MAGOH: variants seen among roughly 807,000 people sequenced by gnomAD.
MAGOH encodes protein mago nashi homolog.
A neutral mutation model predicts 20.9 loss-of-function variants in MAGOH; 3 were observed. That is an observed-to-expected ratio of 0.14 (90% CI 0.07 to 0.37). The LOEUF (loss-of-function observed/expected upper bound fraction) is 0.37. Ranked by LOEUF, MAGOH falls within the 10% of genes least tolerant of loss-of-function variation. The probability of loss-of-function intolerance (pLI) is 1.00; values close to 1 mark genes in which losing one functional copy is unlikely to be tolerated. For missense variants in MAGOH, 66 were observed against 178.1 expected, an observed-to-expected ratio of 0.37 and a Z score of 3.58; for synonymous variants, 51 against 61.0, an observed-to-expected ratio of 0.84 and a Z score of 0.76.
At chr1:53,234,501 G>C (rs1454877007) in intron 2 of MAGOH, among the ~76,000 whole-genome samples, 1 of 150,844 alleles carries the variant, frequency 6.6e-6, no homozygotes, top group African/African-American at 2.4e-5. Context: ...AGCCTCCTAA[G>C]TAGCTGGGAC....
intron 3 of MAGOH, among the ~76,000 whole-genome samples, chr1:53,230,689 A>G (rs1292416701): frequency 6.6e-6 from 1 of 152,064 alleles, no homozygotes; most frequent in African/African-American, 2.4e-5. Flanking sequence ...TGGCCTCCCA[A>G]TTAAGAACAA....
At chr1:53,236,093 T>G (rs1645608853) in intron 1 of MAGOH, among the ~76,000 whole-genome samples, 1 of 152,248 alleles carries the variant, frequency 6.6e-6, no homozygotes, top group Non-Finnish European at 1.5e-5. Context: ...GCTGCTGCTT[T>G]TATCACTGAG....
chr1:53,235,079 C>A, intron 2 of MAGOH, among the ~76,000 whole-genome samples: 1 of 152,194 alleles, frequency 6.6e-6, no homozygotes, highest in East Asian at 1.9e-4. Context: ...TAAGATGCCA[C>A]GCCTGACATC....
In MAGOH at chr1:53,238,494, A is replaced by C; in HGVS notation, c.-46T>G. 1 of 1,553,104 alleles carries C rather than the reference A, an allele frequency of 6.4e-7. No individual in the cohort carries two copies. On this transcript the variant is annotated 5_prime_UTR_variant, in exon 1 of 5. Transcript: ENST00000371470. ...GCCTGAACTTCCAAGAGCAAGCCGC[A>C]CTGCCGCCGTCTGCGCCCGACACTG...
Position 53,235,706 on chromosome 1 carries a change from C to T in MAGOH, c.89-71G>A, listed in dbSNP as rs1420843455. The stretch of plus-strand genomic sequence containing the variant: ...ATAAAGCATCAATACCATGCCAAGG[C>T]ATCAGCAGTTGCCCAAAATGTATCT... On this transcript the variant is annotated intron_variant, in intron 1 of 4. Transcript: ENST00000371470. 5 of 1,261,894 alleles carry T rather than the reference C, an allele frequency of 4.0e-6. No homozygotes were observed. The East Asian group carries it at 1.2e-4, about 29-fold the overall frequency. 78.2% of individuals were successfully genotyped at this position (1,261,894 alleles called of 1,614,324 possible). A position where few individuals can be genotyped will look rare whatever the true frequency, so the allele number is the denominator to read the frequency against.
chr1:53,235,464 GTC>G lies in MAGOH; in HGVS notation c.147+111_147+112del, dbSNP rs543235497. 159 of 866,396 alleles carry G rather than the reference GTC, an allele frequency of 1.8e-4. 1 individual carries two copies. In the East Asian group the frequency reaches 3.9e-3, roughly 21 times the overall value. 53.7% of individuals were successfully genotyped at this position (866,396 alleles called of 1,614,324 possible). On this transcript the variant is annotated intron_variant, in intron 2 of 4. Coordinates refer to ENST00000371470, the MANE Select transcript of MAGOH (RefSeq NM_002370.4). ...ATCCAGAAGCTGTCTACAGACATGT[GTC>G]TCTCTCCCTGTTCTTTATCTTTCAA...
chr1:53,229,918 C>T (rs1645578030), intron 3 of MAGOH, among the ~76,000 whole-genome samples: 1 of 150,992 alleles, frequency 6.6e-6, no homozygotes, highest in South Asian at 2.1e-4. Flanking sequence ...GACCCTGTCT[C>T]CAACAACAAC....
chr1:53,233,094 C>T (rs1013749144), intron 3 of MAGOH: 2 of 153,490 alleles, frequency 1.3e-5, no homozygotes, highest in African/African-American at 4.9e-5. Context: ...GAGCGAGACT[C>T]CAACTCAAAA....
chr1:53,233,515 C>T (rs1199885387), intron 3 of MAGOH, 27 bp downstream of exon 3: 8 of 1,516,720 alleles, frequency 5.3e-6, no homozygotes, highest in Admixed American at 1.7e-5. Flanking sequence ...AAGATTTCTG[C>T]ACTACAGGAT....
At chr1:53,229,049 C>T (rs932833124) in intron 3 of MAGOH, 95 bp from the exon 4 acceptor site, 2 of 803,284 alleles carry the variant, frequency 2.5e-6, no homozygotes, top group African/African-American at 1.7e-5. Flanking sequence ...ACAAACTTGA[C>T]TACAGATGGC....
chr1:53,237,450 G>C (rs1359253744), intron 1 of MAGOH, among the ~76,000 whole-genome samples: 2 of 150,270 alleles, frequency 1.3e-5, no homozygotes. Context: ...CGAGGCGGGC[G>C]TATCACCTGA....
intron 1 of MAGOH, among the ~76,000 whole-genome samples, chr1:53,237,281 A>G (rs1207579239): frequency 6.6e-6 from 1 of 151,286 alleles, no homozygotes. Context: ...CAACTGCAAC[A>G]GTCTCCTAAT....
chr1:53,231,516 C>A (rs1002649027), intron 3 of MAGOH, among the ~76,000 whole-genome samples: 2 of 152,128 alleles, frequency 1.3e-5, no homozygotes, highest in Admixed American at 1.3e-4. Context: ...TAAAAATATT[C>A]CATAAATACA....
intron 2 of MAGOH, among the ~76,000 whole-genome samples, chr1:53,234,350 G>A (rs1277428388): frequency 2.0e-5 from 3 of 151,264 alleles, no homozygotes; most frequent in South Asian, 2.1e-4. Flanking sequence ...AAGAGACTGC[G>A]ACACCCACAT....
In MAGOH at chr1:53,235,655, T is replaced by C. The variant is rs751310641; in HGVS notation, c.89-20A>G. The C allele has an allele frequency of 6.3e-6, 10 of 1,598,550 alleles. No homozygotes were observed. The highest frequency in any genetic ancestry group is 1.7e-5 in the Admixed American group (1 of 59,686). On this transcript the variant is annotated intron_variant, in intron 1 of 4. Coordinates refer to ENST00000371470, the MANE Select transcript of MAGOH (RefSeq NM_002370.4). Reference sequence around the variant, plus strand: ...ACTTCCCTGTGGGGGCAAAAAACAATTTCAACGTATAATAAAAACATATGA... The same window carrying C: ...ACTTCCCTGTGGGGGCAAAAAACAACTTCAACGTATAATAAAAACATATGA...
Position 53,233,665 on chromosome 1 carries a change from T to C in MAGOH, c.148-13A>G. 1 of 1,538,734 alleles carries C rather than the reference T, an allele frequency of 6.5e-7. No homozygotes were observed. The highest frequency in any genetic ancestry group is 9.0e-7 in the Non-Finnish European group (1 of 1,112,644). ...TATGTACATAAGCCTGAACGCAAGT[T>C]AAAAAACAAAATGTATGTTGTATCC... On this transcript the variant is annotated splice_polypyrimidine_tract_variant and intron_variant, in intron 2 of 4. Coordinates refer to ENST00000371470, the MANE Select transcript of MAGOH (RefSeq NM_002370.4).
intron 1 of MAGOH, among the ~76,000 whole-genome samples, chr1:53,237,015 A>ATT (rs1388018429): frequency 7.1e-6 from 1 of 141,580 alleles, no homozygotes; most frequent in Non-Finnish European, 1.5e-5. Flanking sequence ...CAGTGGCACT[A>ATT]TCTCAGCTTG....
chr1:53,233,281 C>G (rs1291856810), intron 3 of MAGOH: 1 of 278,878 alleles, frequency 3.6e-6, no homozygotes, highest in African/African-American at 2.2e-5. Context: ...TTTTAGTTAC[C>G]AAAATGGTGC....
rs764157200 is a variant in MAGOH, at chr1:53,227,018, C to T, written c.*27G>A. 4 of 1,020,240 alleles carry T rather than the reference C, an allele frequency of 3.9e-6. No homozygotes were observed. Among genetic ancestry groups the T allele is most frequent in the African/African-American group, 3.4e-5 (2 of 58,978 alleles). 63.2% of individuals were successfully genotyped at this position (1,020,240 alleles called of 1,614,324 possible). A position where few individuals can be genotyped will look rare whatever the true frequency, so the allele number is the denominator to read the frequency against. Reference sequence around the variant, plus strand: ...ACACAAAATTTTCTACTCCCACCCACCCCCCATGTCCACACCAATATTCAG... The same window carrying T: ...ACACAAAATTTTCTACTCCCACCCATCCCCCATGTCCACACCAATATTCAG... On this transcript the variant is annotated 3_prime_UTR_variant, in exon 5 of 5. Coordinates refer to ENST00000371470, the MANE Select transcript of MAGOH (RefSeq NM_002370.4).
Sources: allele counts gnomAD v4.1 joint callset (sites outside exome capture counted in the v4.1 genomes callset), GRCh38; gene constraint gnomAD v4.1.1; transcripts MANE v1.5; gene names NCBI Gene and HGNC (gene_info 2026-07-23, HGNC 2026-07-21).